Variants in ANKS1B observed in about 807,000 individuals in gnomAD.
ANKS1B encodes the protein ankyrin repeat and sterile alpha motif domain-containing protein 1B.
A neutral mutation model predicts 148.3 loss-of-function variants in ANKS1B; 36 were observed. That is an observed-to-expected ratio of 0.24 (90% CI 0.19 to 0.32). ANKS1B has a LOEUF of 0.32. ANKS1B is among the 10% of genes least tolerant of loss of function. The pLI is 1.00. For synonymous variants in ANKS1B, 542 were observed against 560.8 expected, an observed-to-expected ratio of 0.97 and a Z score of 0.47; for missense variants, 1,157 against 1,542.6, an observed-to-expected ratio of 0.75 and a Z score of 4.19.
At chr12:98,848,743 G>GTTTTTTTTTTTTTTTTT (rs10695483) in intron 17 of ANKS1B, among the ~76,000 whole-genome samples, 3,082 of 48,002 alleles carry the variant, frequency 0.064, 1,224 homozygotes, top group Non-Finnish European at 0.083. Context: ...TGTATGTGTG[G>GTTTTTTTTTTTTTTTTT]TTTTTTTTTT....
chr12:99,393,782 C>T (rs1593849963), intron 12 of ANKS1B, among the ~76,000 whole-genome samples: 1 of 152,132 alleles, frequency 6.6e-6, no homozygotes, highest in African/African-American at 2.4e-5. Flanking sequence ...ATCTCCAGTC[C>T]TAAGATCTTA....
At chr12:99,603,990 G>A (rs1411454609) in intron 9 of ANKS1B, among the ~76,000 whole-genome samples, 2 of 152,090 alleles carry the variant, frequency 1.3e-5, no homozygotes, top group African/African-American at 2.4e-5. Flanking sequence ...ACTTGTCAGA[G>A]TTATTTCCAT....
chr12:98,844,459 G>C (rs2099431886), intron 17 of ANKS1B, among the ~76,000 whole-genome samples: 1 of 152,152 alleles, frequency 6.6e-6, no homozygotes, highest in African/African-American at 2.4e-5. Flanking sequence ...AACAATCCCT[G>C]CATCATCAGC....
intron 17 of ANKS1B, among the ~76,000 whole-genome samples, chr12:98,943,010 A>G (rs554419999): frequency 2.3e-4 from 35 of 152,324 alleles, no homozygotes; most frequent in Admixed American, 9.8e-4. Context: ...GATTTCATAT[A>G]CTCAGGCAAA....
intron 4 of ANKS1B, among the ~76,000 whole-genome samples, chr12:99,802,845 C>G (rs1023289332): frequency 3.3e-5 from 5 of 151,332 alleles, no homozygotes; most frequent in Non-Finnish European, 5.9e-5. Flanking sequence ...CTTGGGAGTT[C>G]TAGGCCGAAG....
intron 8 of ANKS1B, among the ~76,000 whole-genome samples, chr12:99,664,154 C>CTT (rs58457230): frequency 0.037 from 5,401 of 147,230 alleles, 338 homozygotes; most frequent in African/African-American, 0.13. Flanking sequence ...AAAGTTTAAA[C>CTT]TTTTTTTTTT....
intron 9 of ANKS1B, among the ~76,000 whole-genome samples, chr12:99,514,733 A>G (rs959624300): frequency 1.3e-5 from 2 of 152,034 alleles, no homozygotes; most frequent in Non-Finnish European, 2.9e-5. Context: ...GGGAAAGAGG[A>G]CACTCTGCAC....
rs1477016658 is a variant in ANKS1B, at chr12:98,958,471, T to A, written c.2778+94686A>T. ...ATTTTAAGGACTACTTCCATGTCAC[T>A]CTGGCTATGATAAAAACCATAGTCT... On this transcript the variant is annotated intron_variant, in intron 17 of 26. Coordinates refer to ENST00000683438, the MANE Select transcript of ANKS1B (RefSeq NM_001352186.2). 2.0e-5 allele frequency among the ~76,000 whole-genome samples: 3 copies of A among 152,200 alleles called. No individual in the cohort carries two copies. The East Asian group carries it at 5.8e-4, about 29-fold the overall frequency.
At chr12:99,295,655 T>C (rs915977548) in intron 12 of ANKS1B, among the ~76,000 whole-genome samples, 4 of 152,200 alleles carry the variant, frequency 2.6e-5, no homozygotes, top group African/African-American at 9.7e-5. Context: ...AGGTTTGTTA[T>C]ATAGGTATAC....
chr12:99,500,128 C>G (rs1318813440), intron 10 of ANKS1B, among the ~76,000 whole-genome samples: 4 of 152,192 alleles, frequency 2.6e-5, no homozygotes, highest in Non-Finnish European at 4.4e-5. Context: ...TGGCAAAAAT[C>G]TAAGACTCAC....
At chr12:99,641,284 C>A (rs1461044082) in intron 9 of ANKS1B, among the ~76,000 whole-genome samples, 1 of 152,132 alleles carries the variant, frequency 6.6e-6, no homozygotes, top group South Asian at 2.1e-4. Context: ...CAGGAACTAG[C>A]GTCCTCATTT....
chr12:99,512,875 G>GA (rs765509001), intron 9 of ANKS1B, among the ~76,000 whole-genome samples: 1 of 151,854 alleles, frequency 6.6e-6, no homozygotes, highest in South Asian at 2.1e-4. Context: ...CACATGGGGG[G>GA]AAAAACACAC....
At chr12:98,980,035 T>G (rs1251940357) in intron 17 of ANKS1B, among the ~76,000 whole-genome samples, 1 of 152,206 alleles carries the variant, frequency 6.6e-6, no homozygotes, top group Non-Finnish European at 1.5e-5. Context: ...TTAATCCAAA[T>G]GGTCACATTT....
chr12:98,847,171 T>C (rs1297132735), intron 17 of ANKS1B, among the ~76,000 whole-genome samples: 1 of 152,214 alleles, frequency 6.6e-6, no homozygotes, highest in Non-Finnish European at 1.5e-5. Context: ...AAATACACAA[T>C]ACACTATTGT....
At chr12:98,838,172 C>T (rs2099386022) in intron 17 of ANKS1B, among the ~76,000 whole-genome samples, 1 of 152,124 alleles carries the variant, frequency 6.6e-6, no homozygotes, top group Non-Finnish European at 1.5e-5. Context: ...AAACATTTCC[C>T]CTATCATTGA....
chr12:99,311,321 A>T (rs2083136282), intron 12 of ANKS1B, among the ~76,000 whole-genome samples: 1 of 152,184 alleles, frequency 6.6e-6, no homozygotes, highest in South Asian at 2.1e-4. Context: ...AAACAAATGT[A>T]GACTCTGTGG....
intron 12 of ANKS1B, among the ~76,000 whole-genome samples, chr12:99,385,206 C>T (rs542477903): frequency 9.9e-5 from 15 of 151,540 alleles, no homozygotes; most frequent in Middle Eastern, 3.4e-3. Flanking sequence ...TAGTGGCTCA[C>T]GCCTGTAATC....
At chr12:99,130,272 T>C (rs1396920858) in intron 15 of ANKS1B, among the ~76,000 whole-genome samples, 2 of 152,208 alleles carry the variant, frequency 1.3e-5, no homozygotes, top group Non-Finnish European at 1.5e-5. Context: ...GAGTCTTATA[T>C]TTAGGAACCA....
chr12:99,531,028 T>C (rs1263985813), intron 9 of ANKS1B, among the ~76,000 whole-genome samples: 1 of 152,172 alleles, frequency 6.6e-6, no homozygotes, highest in African/African-American at 2.4e-5. Context: ...TTATTCCCTC[T>C]GAGTAGCAGG....
Sources: gnomAD v4.1 joint callset for allele counts (sites outside exome capture counted in the v4.1 genomes callset) on GRCh38, gnomAD v4.1.1 for gene constraint, MANE v1.5 for transcripts, NCBI Gene and HGNC (gene_info 2026-07-23, HGNC 2026-07-21) for gene names.